Variants in MSI2 observed in about 807,000 individuals in gnomAD.
MSI2 encodes the protein musashi RNA binding protein 2.
Under a neutral mutation model 45.6 loss-of-function variants are expected in MSI2, and 17 were observed. That is an observed-to-expected ratio of 0.37 (90% confidence interval 0.26 to 0.56). The LOEUF (loss-of-function observed/expected upper bound fraction) is 0.56, where lower values mean the gene tolerates loss of function less well. Among genes scored for constraint, MSI2 ranks in the 20% least tolerant of loss-of-function variants. MSI2 has a pLI of 0.77. For synonymous variants in MSI2, 156 were observed against 158.2 expected, an observed-to-expected ratio of 0.99 and a Z score of 0.11; for missense variants, 293 against 444.2, an observed-to-expected ratio of 0.66 and a Z score of 3.06.
At chr17:57,535,078 C>T (rs1014135311) in intron 7 of MSI2, among the ~76,000 whole-genome samples, 2 of 152,168 alleles carry the variant, frequency 1.3e-5, no homozygotes, top group Admixed American at 6.5e-5. Flanking sequence ...GGCAGGAGGC[C>T]GGGGAGTAGA....
intron 1 of MSI2, 121 bp from the exon 2 acceptor site, chr17:57,256,977 C>T (rs1219463857): frequency 3.2e-6 from 5 of 1,545,510 alleles, no homozygotes; most frequent in Non-Finnish European, 3.5e-6. Flanking sequence ...TTCTCCCCCA[C>T]CCCACCTCCC....
At chr17:57,664,900 G>T (rs993762447) in intron 11 of MSI2, among the ~76,000 whole-genome samples, 1 of 152,200 alleles carries the variant, frequency 6.6e-6, no homozygotes, top group Non-Finnish European at 1.5e-5. Context: ...CACCTGGGGA[G>T]TTTTTAAACT....
At chr17:57,637,426 T>C (rs975825678) in intron 10 of MSI2, among the ~76,000 whole-genome samples, 2 of 152,194 alleles carry the variant, frequency 1.3e-5, no homozygotes, top group Non-Finnish European at 2.9e-5. Context: ...TAATAAACGT[T>C]TGCAGAAATG....
intron 10 of MSI2, among the ~76,000 whole-genome samples, chr17:57,645,419 TTTTTTTG>T (rs1474867578): frequency 6.6e-6 from 1 of 151,824 alleles, no homozygotes; most frequent in African/African-American, 2.4e-5. Context: ...ATCTGGGAAG[TTTTTTTG>T]TTTTTTGTTT....
intron 7 of MSI2, among the ~76,000 whole-genome samples, chr17:57,533,627 T>C (rs1304946130): frequency 3.9e-5 from 6 of 152,186 alleles, no homozygotes; most frequent in African/African-American, 1.4e-4. Context: ...TTGGGTTCCC[T>C]GGGAAGCAAC....
chr17:57,526,993 C>T (rs1220569262), intron 6 of MSI2, among the ~76,000 whole-genome samples: 2 of 152,092 alleles, frequency 1.3e-5, no homozygotes, highest in African/African-American at 2.4e-5. Context: ...TATTAGAAAA[C>T]GTCCAAACTT....
chr17:57,551,283 C>T (rs766966814), intron 7 of MSI2, among the ~76,000 whole-genome samples: 3 of 152,156 alleles, frequency 2.0e-5, no homozygotes, highest in Non-Finnish European at 4.4e-5. Flanking sequence ...GAACCTGCCC[C>T]GGCTCCATCC....
Position 57,385,743 on chromosome 17 carries a change from C to G in MSI2, c.313-15636C>G, listed in dbSNP as rs150869657. Among the ~76,000 whole-genome samples, 73 of 152,368 alleles carry G rather than the reference C, an allele frequency of 4.8e-4. 1 individual carries two copies. The highest frequency in any genetic ancestry group is 1.7e-3 in the African/African-American group (72 of 41,582). ...CTCTTTCAAGCCTGCCCTGACTCTACTGACATAGTTCATCATATTTCCCTG... is the reference window on the plus strand; with the variant it reads ...CTCTTTCAAGCCTGCCCTGACTCTAGTGACATAGTTCATCATATTTCCCTG... On this transcript the variant is annotated intron_variant, in intron 5 of 13. Coordinates refer to ENST00000284073, the MANE Select transcript of MSI2 (RefSeq NM_138962.4).
intron 7 of MSI2, among the ~76,000 whole-genome samples, chr17:57,553,435 G>C (rs1033070409): frequency 6.6e-6 from 1 of 152,194 alleles, no homozygotes; most frequent in Non-Finnish European, 1.5e-5. Flanking sequence ...TTTGGTGGGA[G>C]GGGGATTGGG....
At chr17:57,331,887 A>G (rs900481925) in intron 5 of MSI2, among the ~76,000 whole-genome samples, 4 of 152,194 alleles carry the variant, frequency 2.6e-5, no homozygotes, top group Non-Finnish European at 5.9e-5. Flanking sequence ...TAGAATTGCT[A>G]CTCTCGAGTT....
At chr17:57,368,789 T>G (rs1020646875) in intron 5 of MSI2, among the ~76,000 whole-genome samples, 3 of 152,118 alleles carry the variant, frequency 2.0e-5, no homozygotes, top group Admixed American at 1.3e-4. Context: ...CAGGTGCTTG[T>G]GAGTGAGCTG....
intron 6 of MSI2, among the ~76,000 whole-genome samples, chr17:57,410,032 G>T (rs922874300): frequency 1.2e-4 from 6 of 48,390 alleles, no homozygotes; most frequent in African/African-American, 3.9e-4. Flanking sequence ...AAAATGGGGA[G>T]TATGGGAGCC....
At chr17:57,464,130 G>C (rs139685733) in intron 6 of MSI2, among the ~76,000 whole-genome samples, 6 of 151,916 alleles carry the variant, frequency 3.9e-5, no homozygotes, top group Non-Finnish European at 7.4e-5. Context: ...AGGAAGGAAG[G>C]AAAGAAGTGA....
chr17:57,287,379 C>T (rs1486686540), intron 5 of MSI2, among the ~76,000 whole-genome samples: 1 of 152,162 alleles, frequency 6.6e-6, no homozygotes, highest in African/African-American at 2.4e-5. Flanking sequence ...TCCATGGGTC[C>T]CTCTCGGCCA....
intron 5 of MSI2, among the ~76,000 whole-genome samples, chr17:57,291,105 C>G (rs763685501): frequency 6.6e-6 from 1 of 152,192 alleles, no homozygotes; most frequent in African/African-American, 2.4e-5. Context: ...GCATCCCATA[C>G]TCAATTCTGC....
At chr17:57,559,182 A>C (rs2087513997) in intron 7 of MSI2, among the ~76,000 whole-genome samples, 2 of 152,240 alleles carry the variant, frequency 1.3e-5, no homozygotes, top group African/African-American at 2.4e-5. Context: ...CATCAACAGA[A>C]GCACAAAGTG....
chr17:57,605,632 C>T (rs1159777206), intron 8 of MSI2, among the ~76,000 whole-genome samples: 4 of 152,204 alleles, frequency 2.6e-5, no homozygotes, highest in African/African-American at 4.8e-5. Context: ...AGTCTGCGCC[C>T]GTATGCAGCT....
intron 6 of MSI2, among the ~76,000 whole-genome samples, chr17:57,421,173 G>T (rs1036982692): frequency 6.6e-6 from 1 of 152,050 alleles, no homozygotes; most frequent in African/African-American, 2.4e-5. Flanking sequence ...TGGAGCTGCA[G>T]CTGATAGCCT....
At chr17:57,316,078 T>C (rs1430127451) in intron 5 of MSI2, among the ~76,000 whole-genome samples, 1 of 151,908 alleles carries the variant, frequency 6.6e-6, no homozygotes, top group African/African-American at 2.4e-5. Context: ...AAGGCCATCA[T>C]GTGAGTACAC....
Sources: gnomAD v4.1 joint callset for allele counts (sites outside exome capture counted in the v4.1 genomes callset) on GRCh38, gnomAD v4.1.1 for gene constraint, MANE v1.5 for transcripts, NCBI Gene and HGNC (gene_info 2026-07-23, HGNC 2026-07-21) for gene names.